Variants in COL28A1 observed in about 807,000 individuals in gnomAD.
COL28A1 encodes the protein collagen type XXVIII alpha 1 chain.
Under a neutral mutation model 150.2 loss-of-function variants are expected in COL28A1, and 161 were observed. The observed-to-expected ratio is 1.07, with a 90% CI of 0.94 to 1.22. The LOEUF (loss-of-function observed/expected upper bound fraction) is 1.22. COL28A1 is among the 50% of genes most tolerant of loss of function. The pLI is 0.00. For missense variants in COL28A1, 1,617 were observed against 1,388.3 expected (o/e 1.16, Z -2.62); for synonymous variants, 552 against 469.7 (o/e 1.18, Z -2.26).
chr7:7,345,283 T>TA, the COL28A1 span, among the ~76,000 whole-genome samples: 14 of 151,218 alleles, frequency 9.3e-5, no homozygotes, highest in Admixed American at 2.6e-4. Flanking sequence ...GCAGAAACTT[T>TA]AAAAAAAAAG....
chr7:7,541,977 C>T, the COL28A1 span, among the ~76,000 whole-genome samples: 1 of 150,808 alleles, frequency 6.6e-6, no homozygotes, highest in Admixed American at 6.6e-5. Flanking sequence ...ATATCTAACT[C>T]TAGTTGACAA....
At chr7:7,374,038 A>AAAAAAATATATAT in intron 31 of COL28A1, among the ~76,000 whole-genome samples, 6 of 113,624 alleles carry the variant, frequency 5.3e-5, no homozygotes, top group African/African-American at 2.3e-4. Context: ...AAAAAAAAAA[A>AAAAAAATATATAT]ATATATATAT....
intron 27 of COL28A1, among the ~76,000 whole-genome samples, chr7:7,383,682 G>GTATATATATA (rs772285848): frequency 0.049 from 6,047 of 123,518 alleles, 229 homozygotes; most frequent in East Asian, 0.073. Context: ...GTGTGTGTGT[G>GTATATATATA]TATATATATA....
chr7:7,375,498 C>G lies in COL28A1; in HGVS notation c.2323-1G>C, dbSNP rs982326834. ...TAATAAGTTTGATAATTTCTTCTTT[C>G]TAGGGGATAAAAAGAAAAATGTATT... is the stretch of plus-strand genomic sequence containing the variant. On this transcript the variant is annotated splice_acceptor_variant, in intron 30 of 34. Transcript: ENST00000399429. LOFTEE classifies it high-confidence loss of function. 1 of 1,546,822 alleles carries G rather than the reference C, an allele frequency of 6.5e-7. No individual in the cohort carries two copies. The highest frequency in any genetic ancestry group is 8.9e-7 in the Non-Finnish European group (1 of 1,128,428).
chr7:7,530,685 CAACA>C (rs140437253), intron 3 of COL28A1, among the ~76,000 whole-genome samples: 3,312 of 151,746 alleles, frequency 0.022, 138 homozygotes, highest in African/African-American at 0.076. Flanking sequence ...CACAGCTGAG[CAACA>C]AACAAAGAAA....
chr7:7,522,165 T>C (rs1781763233), intron 4 of COL28A1: 1 of 612,526 alleles, frequency 1.6e-6, no homozygotes, highest in Non-Finnish European at 3.0e-6. Context: ...CTCTCTCTAT[T>C]AAATTATTCC....
intron 15 of COL28A1, among the ~76,000 whole-genome samples, chr7:7,462,357 C>A (rs975709716): frequency 2.6e-5 from 4 of 152,078 alleles, no homozygotes; most frequent in African/African-American, 9.7e-5. Context: ...AGCTCACCAG[C>A]AATAGATCCA....
At chr7:7,461,846 T>G (rs1269175579) in intron 15 of COL28A1, among the ~76,000 whole-genome samples, 2 of 152,118 alleles carry the variant, frequency 1.3e-5, no homozygotes, top group Non-Finnish European at 2.9e-5. Context: ...TCATGGGAGT[T>G]ATAAGGCCCT....
chr7:7,495,298 C>T (rs1318773815), intron 11 of COL28A1, among the ~76,000 whole-genome samples: 1 of 152,018 alleles, frequency 6.6e-6, no homozygotes, highest in Admixed American at 6.6e-5. Flanking sequence ...TTGGACCAGC[C>T]ACATTTCAAA....
At chr7:7,498,289 G>A (rs985033152) in intron 11 of COL28A1, among the ~76,000 whole-genome samples, 4 of 152,118 alleles carry the variant, frequency 2.6e-5, no homozygotes, top group Non-Finnish European at 4.4e-5. Flanking sequence ...TTTGAGAATC[G>A]CAGCTCTAGA....
intron 15 of COL28A1, among the ~76,000 whole-genome samples, chr7:7,458,311 G>A (rs1021185788): frequency 1.3e-5 from 2 of 152,170 alleles, no homozygotes; most frequent in Non-Finnish European, 2.9e-5. Flanking sequence ...AGCTACTCAG[G>A]AGGCTAAGGC....
intron 25 of COL28A1, among the ~76,000 whole-genome samples, chr7:7,430,891 G>C (rs767670817): frequency 6.6e-6 from 1 of 152,200 alleles, no homozygotes; most frequent in Non-Finnish European, 1.5e-5. Flanking sequence ...GACCAAGCCA[G>C]ATCCTTCATC....
chr7:7,346,013 C>T, the COL28A1 span, among the ~76,000 whole-genome samples: 1 of 151,940 alleles, frequency 6.6e-6, no homozygotes, highest in Non-Finnish European at 1.5e-5. Context: ...GAAGGGTACC[C>T]TATTAAACTC....
chr7:7,451,266 G>A (rs560381821), intron 18 of COL28A1, among the ~76,000 whole-genome samples: 4 of 150,634 alleles, frequency 2.7e-5, no homozygotes, highest in Admixed American at 6.6e-5. Flanking sequence ...TCACTTCGTC[G>A]CCAGGCTGGA....
the COL28A1 span, among the ~76,000 whole-genome samples, chr7:7,342,823 T>C: frequency 2.0e-5 from 3 of 152,086 alleles, no homozygotes; most frequent in African/African-American, 7.2e-5. Context: ...TTTACATACA[T>C]ATTTATCAAT....
chr7:7,401,957 C>T (rs1783232276), intron 27 of COL28A1, among the ~76,000 whole-genome samples: 1 of 152,316 alleles, frequency 6.6e-6, no homozygotes, highest in East Asian at 1.9e-4. Flanking sequence ...TGAGCTTCTA[C>T]TCCACTTCTA....
chr7:7,535,474 A>C (rs889946447), intron 1 of COL28A1, among the ~76,000 whole-genome samples: 1 of 152,186 alleles, frequency 6.6e-6, no homozygotes, highest in African/African-American at 2.4e-5. Context: ...TTCCAAATTA[A>C]GAAAAAGATG....
intron 33 of COL28A1, among the ~76,000 whole-genome samples, chr7:7,363,117 G>A: frequency 6.6e-6 from 1 of 152,166 alleles, no homozygotes; most frequent in East Asian, 1.9e-4. Flanking sequence ...ACAAATAAAA[G>A]TTTGAGGAGT....
At chr7:7,412,520 G>T (rs1386917082) in intron 27 of COL28A1, among the ~76,000 whole-genome samples, 1 of 152,118 alleles carries the variant, frequency 6.6e-6, no homozygotes, top group African/African-American at 2.4e-5. Flanking sequence ...AGAGGGACTA[G>T]CGAAAGGGAA....
Sources: allele counts gnomAD v4.1 joint callset (sites outside exome capture counted in the v4.1 genomes callset), GRCh38; gene constraint gnomAD v4.1.1; transcripts MANE v1.5; gene names NCBI Gene and HGNC (gene_info 2026-07-23, HGNC 2026-07-21).